PC: variants seen among roughly 807,000 people sequenced by gnomAD.
PC encodes the protein pyruvate carboxylase.
A neutral mutation model predicts 107.8 loss-of-function variants in PC; 46 were observed. The observed-to-expected ratio is 0.43, with a 90% CI of 0.34 to 0.55. PC has a LOEUF of 0.55. Ranked by LOEUF, PC falls within the 20% of genes least tolerant of loss-of-function variation. The probability of loss-of-function intolerance (pLI) is 0.04; values close to 1 mark genes in which losing one functional copy is unlikely to be tolerated. For missense variants in PC, 1,241 were observed against 1,643.1 expected (o/e 0.76, Z 4.23); for synonymous variants, 662 against 684.7 (o/e 0.97, Z 0.52).
intron 3 of PC, among the ~76,000 whole-genome samples, chr11:66,877,889 C>A (rs2135969754): frequency 6.6e-6 from 1 of 152,324 alleles, no homozygotes; most frequent in East Asian, 1.9e-4. Flanking sequence ...ATGCCACCCT[C>A]CTCACTCCCA....
intron 18 of PC, 96 bp downstream of exon 18, chr11:66,850,578 C>T: frequency 6.2e-6 from 10 of 1,601,110 alleles, no homozygotes; most frequent in Non-Finnish European, 6.8e-6. Context: ...AAGGCCAGAG[C>T]AGGGCATCTG....
intron 16 of PC, 147 bp from the exon 17 acceptor site, chr11:66,851,427 G>C: frequency 1.6e-6 from 2 of 1,229,632 alleles, no homozygotes; most frequent in South Asian, 2.7e-5. Flanking sequence ...CCACAGGCGG[G>C]GGGTGGCCAC....
At chr11:66,953,515 G>A (rs975871864) in intron 2 of PC, among the ~76,000 whole-genome samples, 8 of 152,092 alleles carry the variant, frequency 5.3e-5, no homozygotes, top group East Asian at 1.9e-4. Flanking sequence ...GCTTATTTCC[G>A]AAAAAGCCAC....
At chr11:66,957,227 GTCA>G (rs1370089907) in intron 1 of PC, among the ~76,000 whole-genome samples, 1 of 152,260 alleles carries the variant, frequency 6.6e-6, no homozygotes, top group East Asian at 1.9e-4. Flanking sequence ...GGTTCTGGTT[GTCA>G]TCAGCAAGTG....
chr11:66,920,342 T>G (rs1021967450), intron 3 of PC, among the ~76,000 whole-genome samples: 1 of 152,126 alleles, frequency 6.6e-6, no homozygotes, highest in African/African-American at 2.4e-5. Flanking sequence ...AATTTCTGTC[T>G]TCTTTTTCCT....
chr11:66,875,931 G>T (rs1005931466), intron 3 of PC, among the ~76,000 whole-genome samples: 1 of 152,158 alleles, frequency 6.6e-6, no homozygotes, highest in Admixed American at 6.5e-5. Flanking sequence ...CCGCTGCCGT[G>T]CACGGCCTGA....
intron 2 of PC, among the ~76,000 whole-genome samples, chr11:66,953,623 C>T (rs746402805): frequency 5.9e-5 from 9 of 152,134 alleles, no homozygotes; most frequent in Admixed American, 2.0e-4. Context: ...TGACAGATAA[C>T]GTCAAGGCTG....
chr11:66,858,329 C>T lies in PC; in HGVS notation c.1369-4946G>A. On this transcript the variant is annotated intron_variant, in intron 12 of 22. Coordinates refer to ENST00000393960, the MANE Select transcript of PC (RefSeq NM_001040716.2). The surrounding 1 kb of genome is among the most constrained non-coding windows in gnomAD (Gnocchi z 5.9). ...GCGCCTTCGCCCAGCTCGGTCAGCT[C>T]TCCCGCCTGGACCTCACCTCCAACC... The T allele has an allele frequency of 5.0e-6, 8 of 1,605,198 alleles. No homozygotes were observed. The highest frequency in any genetic ancestry group is 6.8e-6 in the Non-Finnish European group (8 of 1,177,532).
At chr11:66,849,455 T>C in intron 21 of PC, 85 bp from the exon 22 acceptor site, 2 of 1,604,956 alleles carry the variant, frequency 1.2e-6, no homozygotes, top group South Asian at 1.1e-5. Context: ...GTCCCCACAC[T>C]GGGCCTTGGC....
intron 3 of PC, among the ~76,000 whole-genome samples, chr11:66,873,377 A>T (rs1308713534): frequency 9.3e-6 from 1 of 108,010 alleles, no homozygotes; most frequent in East Asian, 2.2e-4. Flanking sequence ...TATTATATAT[A>T]AAATATAAAA....
chr11:66,875,428 G>A (rs998089414), intron 3 of PC, among the ~76,000 whole-genome samples: 4 of 152,150 alleles, frequency 2.6e-5, no homozygotes, highest in African/African-American at 7.2e-5. Flanking sequence ...AGAGGGGGAA[G>A]AGCAGGGACA....
At chr11:66,930,553 C>A (rs1423650497) in intron 3 of PC, among the ~76,000 whole-genome samples, 1 of 152,006 alleles carries the variant, frequency 6.6e-6, no homozygotes, top group East Asian at 1.9e-4. Flanking sequence ...ACCAGCCTGG[C>A]CAACATGGCG....
chr11:66,886,860 T>C (rs1947385664), intron 3 of PC, among the ~76,000 whole-genome samples: 1 of 152,108 alleles, frequency 6.6e-6, no homozygotes, highest in South Asian at 2.1e-4. Flanking sequence ...CCCAGCCCGC[T>C]CCAGAGACGA....
Position 66,896,603 on chromosome 11 carries a change from G to T in PC, c.1-24444C>A, listed in dbSNP as rs529411155. 2.0e-5 allele frequency among the ~76,000 whole-genome samples: 3 copies of T among 152,350 alleles called. No individual in the cohort carries two copies. The East Asian group carries it at 5.8e-4, about 29-fold the overall frequency. On this transcript the variant is annotated intron_variant, in intron 3 of 22. Transcript: ENST00000393960. ...AGGGGCAAGGAGGATGGACAGCGCCGCTGGCTCCCTTCAAGGGGAACTAAA... is the reference window on the plus strand; with the variant it reads ...AGGGGCAAGGAGGATGGACAGCGCCTCTGGCTCCCTTCAAGGGGAACTAAA...
At chr11:66,887,102 C>T (rs937164678) in intron 3 of PC, among the ~76,000 whole-genome samples, 13 of 152,154 alleles carry the variant, frequency 8.5e-5, no homozygotes, top group African/African-American at 7.2e-5. Flanking sequence ...TTCCAGGCAG[C>T]GAACTGGAAG....
chr11:66,852,294 G>A lies in PC; in HGVS notation c.1825+145C>T, dbSNP rs1394470054. 1 of 769,816 alleles carries A rather than the reference G, an allele frequency of 1.3e-6. No individual in the cohort carries two copies. The highest frequency in any genetic ancestry group is 2.2e-6 in the Non-Finnish European group (1 of 456,138). The allele number at this position is 769,816 out of a possible 1,614,324, so 47.7% of individuals were successfully genotyped here. On this transcript the variant is annotated intron_variant, in intron 15 of 22. Coordinates refer to ENST00000393960, the MANE Select transcript of PC (RefSeq NM_001040716.2). This position sits in a 1 kb window ranked among gnomAD's most constrained non-coding sequence, Gnocchi z 4.7. The stretch of plus-strand genomic sequence containing the variant: ...CGTGCCGGCACCAGGCCTGGCCGGA[G>A]AGGGCGCTGTGCCTTCTTCGGTCCT...
Position 66,848,788 on chromosome 11 carries a change from C to A in PC, c.*111G>T. 1 of 1,395,280 alleles carries A rather than the reference C, an allele frequency of 7.2e-7. No individual in the cohort carries two copies. The highest frequency in any genetic ancestry group is 1.4e-5 in the African/African-American group (1 of 70,896). 86.4% of individuals were successfully genotyped at this position (1,395,280 alleles called of 1,614,324 possible). ...TCTCCTGTCCAGCTGTGGACAGGACCTCCACGGCCCGGCCTTCCTGGCCTC... is the reference window on the plus strand; with the variant it reads ...TCTCCTGTCCAGCTGTGGACAGGACATCCACGGCCCGGCCTTCCTGGCCTC... On this transcript the variant is annotated 3_prime_UTR_variant, in exon 23 of 23. Transcript: ENST00000393960.
At position 66,851,055 on chromosome 11, in the gene PC, G is replaced by A. The variant is rs1388523739; in HGVS notation, c.2208C>T (p.His736=). 5 of 1,613,018 alleles carry A rather than the reference G, an allele frequency of 3.1e-6. No homozygotes were observed. The highest frequency in any genetic ancestry group is 4.2e-6 in the Non-Finnish European group (5 of 1,179,992). Residue 736 remains histidine (H), a synonymous_variant, in exon 17 of 23, where the codon CAC becomes CAT. Transcript: ENST00000393960. ...LAEELVRAGT[H]ILCIKDMAGL... The stretch of plus-strand genomic sequence containing the variant: ...GCCCAGGCACCTTGATGCACAGGAT[G>A]TGGGTGCCAGCTCGCACCAGCTCTT...
chr11:66,881,169 AC>A (rs1483772748), intron 3 of PC, among the ~76,000 whole-genome samples: 1 of 152,146 alleles, frequency 6.6e-6, no homozygotes, highest in African/African-American at 2.4e-5. Context: ...AACCACCATC[AC>A]CCAAAGATCC....
Sources: gnomAD v4.1 joint callset for allele counts (sites outside exome capture counted in the v4.1 genomes callset) on GRCh38, gnomAD v4.1.1 for gene constraint, Gnocchi (gnomAD v3.1) non-coding constraint, MANE v1.5 for transcripts, NCBI Gene and HGNC (gene_info 2026-07-23, HGNC 2026-07-21) for gene names.